FSTL5: variants seen among roughly 807,000 people sequenced by gnomAD.
FSTL5 encodes the protein follistatin-related protein 5.
In FSTL5, 62 loss-of-function variants were observed where a neutral mutation model predicts 89.1. The ratio of observed to expected loss-of-function variants is 0.70; its 90% CI spans 0.57 to 0.86. FSTL5 has a LOEUF of 0.86. Among genes scored for constraint, FSTL5 ranks in the 40% least tolerant of loss-of-function variants. The probability of loss-of-function intolerance (pLI) is 0.00; values close to 1 mark genes in which losing one functional copy is unlikely to be tolerated. For synonymous variants in FSTL5, 383 were observed against 346.2 expected, an observed-to-expected ratio of 1.11 and a Z score of -1.18; for missense variants, 1,057 against 1,001.6, an observed-to-expected ratio of 1.06 and a Z score of -0.75.
At chr4:161,935,171 C>A (rs553007044) in intron 3 of FSTL5, among the ~76,000 whole-genome samples, 2 of 151,998 alleles carry the variant, frequency 1.3e-5, no homozygotes, top group East Asian at 3.9e-4. Context: ...CTATTTAGCA[C>A]GAGAGCTCTT....
intron 13 of FSTL5, among the ~76,000 whole-genome samples, chr4:161,477,353 T>C (rs1729310750): frequency 1.3e-5 from 2 of 150,836 alleles, no homozygotes; most frequent in Non-Finnish European, 3.0e-5. Context: ...TTTTTTCCAT[T>C]TGAGTTTCAT....
chr4:161,655,889 T>C (rs1273204664), intron 7 of FSTL5, among the ~76,000 whole-genome samples: 2 of 152,162 alleles, frequency 1.3e-5, no homozygotes, highest in Non-Finnish European at 1.5e-5. Context: ...AAACATACAC[T>C]CATCCATACC....
Position 161,430,537 on chromosome 4 carries a change from G to A in FSTL5, c.1841+24467C>T, listed in dbSNP as rs537128154. 7.9e-5 allele frequency among the ~76,000 whole-genome samples: 12 copies of A among 152,200 alleles called. No homozygotes were observed. The South Asian group carries it at 8.3e-4, about 11-fold the overall frequency. ...AGGTGGATCACGAGGTCAGGAGATC[G>A]AGACCATCCTGGCTAACACGGTGAA... On this transcript the variant is annotated intron_variant, in intron 15 of 15. Transcript: ENST00000306100.
chr4:161,945,289 G>A (rs1578881868), intron 3 of FSTL5, among the ~76,000 whole-genome samples: 1 of 152,152 alleles, frequency 6.6e-6, no homozygotes, highest in Non-Finnish European at 1.5e-5. Flanking sequence ...TTGTAAAGTT[G>A]TTTTGTGAAA....
intron 4 of FSTL5, among the ~76,000 whole-genome samples, chr4:161,899,915 C>T (rs1560906308): frequency 6.6e-6 from 1 of 152,158 alleles, no homozygotes; most frequent in Non-Finnish European, 1.5e-5. Context: ...TTAGCTTTGG[C>T]TGAGCGTGGT....
At chr4:162,106,843 A>T (rs1731244483) in intron 2 of FSTL5, among the ~76,000 whole-genome samples, 1 of 152,182 alleles carries the variant, frequency 6.6e-6, no homozygotes, top group Non-Finnish European at 1.5e-5. Context: ...ACAATCTCTA[A>T]TTGTTAGGAC....
intron 4 of FSTL5, among the ~76,000 whole-genome samples, chr4:161,912,083 T>C (rs879371778): frequency 7.2e-5 from 11 of 152,192 alleles, no homozygotes; most frequent in Non-Finnish European, 1.5e-4. Flanking sequence ...TTCTAGAACA[T>C]TTTATCCTCA....
At chr4:161,529,674 C>T (rs1171447791) in intron 10 of FSTL5, among the ~76,000 whole-genome samples, 1 of 140,782 alleles carries the variant, frequency 7.1e-6, no homozygotes, top group African/African-American at 2.5e-5. Flanking sequence ...TATTTTTATT[C>T]ATTGATTTAT....
chr4:161,562,928 C>G (rs1732657531), intron 8 of FSTL5, among the ~76,000 whole-genome samples: 1 of 151,972 alleles, frequency 6.6e-6, no homozygotes, highest in South Asian at 2.1e-4. Flanking sequence ...GCTTATTTCA[C>G]TTAGCATAAT....
chr4:161,460,877 C>G (rs571194047), intron 13 of FSTL5, among the ~76,000 whole-genome samples: 1 of 151,434 alleles, frequency 6.6e-6, no homozygotes, highest in South Asian at 2.1e-4. Context: ...ATGACTGATT[C>G]TATTTCCTTT....
chr4:161,614,060 T>G (rs1734753035), intron 7 of FSTL5, among the ~76,000 whole-genome samples: 1 of 152,154 alleles, frequency 6.6e-6, no homozygotes, highest in South Asian at 2.1e-4. Flanking sequence ...TTATTTCTAT[T>G]TAAAATACTT....
chr4:161,532,760 T>C (rs1450922950), intron 10 of FSTL5, among the ~76,000 whole-genome samples: 2 of 152,114 alleles, frequency 1.3e-5, no homozygotes, highest in Non-Finnish European at 2.9e-5. Context: ...AGCTACAGAA[T>C]ACTCCACCGA....
chr4:161,697,757 C>T (rs188095929), intron 6 of FSTL5, among the ~76,000 whole-genome samples: 277 of 152,254 alleles, frequency 1.8e-3, no homozygotes, highest in Admixed American at 4.8e-3. Flanking sequence ...CTCAGAAAGA[C>T]AAATACCACA....
At chr4:162,088,652 T>C (rs894798116) in intron 2 of FSTL5, among the ~76,000 whole-genome samples, 2 of 152,140 alleles carry the variant, frequency 1.3e-5, no homozygotes, top group African/African-American at 4.8e-5. Context: ...AGAATTATGA[T>C]TTAGACACTT....
intron 3 of FSTL5, chr4:162,032,506 T>C (rs1302531329): frequency 6.6e-6 from 1 of 152,200 alleles, no homozygotes; most frequent in African/African-American, 2.4e-5. Context: ...CAGTCTTACA[T>C]AATTCATTTG....
intron 3 of FSTL5, among the ~76,000 whole-genome samples, chr4:162,032,211 C>G (rs1471925885): frequency 6.6e-6 from 1 of 152,194 alleles, no homozygotes; most frequent in East Asian, 1.9e-4. Context: ...TGTATTTTTA[C>G]TATAACAGAA....
chr4:161,937,757 C>G (rs1251311148), intron 3 of FSTL5, among the ~76,000 whole-genome samples: 1 of 152,142 alleles, frequency 6.6e-6, no homozygotes, highest in Non-Finnish European at 1.5e-5. Flanking sequence ...TTAGCATGCT[C>G]CTCAGCACTG....
intron 6 of FSTL5, among the ~76,000 whole-genome samples, chr4:161,682,229 G>A (rs375594457): frequency 6.6e-6 from 1 of 152,272 alleles, no homozygotes; most frequent in Admixed American, 6.5e-5. Context: ...AGTGGTGAGT[G>A]TATGTGAAGG....
intron 13 of FSTL5, among the ~76,000 whole-genome samples, chr4:161,470,095 T>TA (rs1160708186): frequency 6.6e-6 from 1 of 151,872 alleles, no homozygotes; most frequent in Non-Finnish European, 1.5e-5. Context: ...AATAATTTTT[T>TA]AAAAAAATTA....
Sources: gnomAD v4.1 joint callset for allele counts (sites outside exome capture counted in the v4.1 genomes callset) on GRCh38, gnomAD v4.1.1 for gene constraint, MANE v1.5 for transcripts, NCBI Gene and HGNC (gene_info 2026-07-23, HGNC 2026-07-21) for gene names.